SPATS2L: variants seen among roughly 807,000 people sequenced by gnomAD.
SPATS2L encodes the protein SPATS2-like protein.
SPATS2L carries 30 observed loss-of-function variants against 59.6 expected under a neutral mutation model. The observed-to-expected ratio is 0.50, with a 90% CI of 0.38 to 0.68. SPATS2L has a LOEUF of 0.68. Among genes scored for constraint, SPATS2L ranks in the 30% least tolerant of loss-of-function variants. The pLI is 0.00. For synonymous variants in SPATS2L, 252 were observed against 263.5 expected (o/e 0.96, Z 0.42); for missense variants, 615 against 700.0 (o/e 0.88, Z 1.37).
At chr2:200,456,309 G>C (rs528112165) in intron 8 of SPATS2L, among the ~76,000 whole-genome samples, 168 of 152,186 alleles carry the variant, frequency 1.1e-3, no homozygotes, top group Non-Finnish European at 1.9e-3. Context: ...GAATTACTAC[G>C]ATGCTTGCAG....
At chr2:200,344,831 C>CT (rs1395942013) in intron 2 of SPATS2L, among the ~76,000 whole-genome samples, 7 of 152,220 alleles carry the variant, frequency 4.6e-5, no homozygotes, top group East Asian at 1.9e-4. Context: ...TGATATTGAG[C>CT]TTTTTTTCAT....
chr2:200,458,116 T>C (rs2085979333), intron 8 of SPATS2L, among the ~76,000 whole-genome samples: 1 of 152,168 alleles, frequency 6.6e-6, no homozygotes, highest in South Asian at 2.1e-4. Flanking sequence ...AAGGGGAGAA[T>C]CAAGCATTCA....
At chr2:200,422,923 C>T (rs555358184) in intron 6 of SPATS2L, among the ~76,000 whole-genome samples, 2 of 152,094 alleles carry the variant, frequency 1.3e-5, no homozygotes, top group Non-Finnish European at 2.9e-5. Context: ...TATAAACATC[C>T]TTACTGTGAT....
At position 200,477,694 on chromosome 2, in the gene SPATS2L, A is replaced by G; in HGVS notation, c.1340A>G (p.Asn447Ser). 1.3e-6 allele frequency: 2 copies of G among 1,566,432 alleles called. No homozygotes were observed. The highest frequency in any genetic ancestry group is 1.7e-6 in the Non-Finnish European group (2 of 1,155,050). The change falls in exon 13 of 13, where the codon AAT becomes AGT. Residue 447 changes from asparagine (N) to serine (S), a missense_variant. By Grantham distance (46) the Asn-to-Ser change is conservative (BLOSUM62 1). Around this residue, in one of 3 missense-constraint regions of SPATS2L, gnomAD observed 284 missense variants for 280.1 expected, o/e 1.01. Transcript: ENST00000409140. The part of the protein sequence containing the change: ...FNPQYHNNRL[N>S]GPAKSQGSGN... ...CCACAGTATCATAACAACAGGCTAA[A>G]TGGGCCTGCCAAGTCGCAGGGCAGT... is the stretch of plus-strand genomic sequence containing the variant.
intron 2 of SPATS2L, among the ~76,000 whole-genome samples, chr2:200,376,469 G>A (rs185318437): frequency 2.0e-5 from 3 of 152,194 alleles, no homozygotes; most frequent in Non-Finnish European, 4.4e-5. Context: ...CTGAAATCAT[G>A]TATGGAAAGA....
chr2:200,452,052 C>A (rs1574618091), intron 8 of SPATS2L, among the ~76,000 whole-genome samples: 1 of 152,128 alleles, frequency 6.6e-6, no homozygotes, highest in South Asian at 2.1e-4. Flanking sequence ...CCTGCCTCGC[C>A]CTCCCAAAGT....
intron 6 of SPATS2L, among the ~76,000 whole-genome samples, chr2:200,433,182 C>T (rs1363479602): frequency 6.6e-6 from 1 of 152,138 alleles, no homozygotes; most frequent in Non-Finnish European, 1.5e-5. Context: ...ATCCATGAAG[C>T]AGCAATATAT....
At chr2:200,365,175 C>A (rs1051725858) in intron 2 of SPATS2L, among the ~76,000 whole-genome samples, 7 of 152,160 alleles carry the variant, frequency 4.6e-5, no homozygotes, top group Non-Finnish European at 1.0e-4. Flanking sequence ...TTCCTACTAC[C>A]CAAGTGCTAA....
intron 2 of SPATS2L, among the ~76,000 whole-genome samples, chr2:200,332,104 C>T (rs556488721): frequency 6.6e-6 from 1 of 152,000 alleles, no homozygotes; most frequent in South Asian, 2.1e-4. Context: ...ACAATATTAG[C>T]CCTCATTAAG....
chr2:200,434,271 A>G (rs2084132229), intron 6 of SPATS2L, among the ~76,000 whole-genome samples: 2 of 152,062 alleles, frequency 1.3e-5, no homozygotes, highest in Admixed American at 1.3e-4. Flanking sequence ...GAGAATTTTT[A>G]GAGTCTAATA....
intron 2 of SPATS2L, among the ~76,000 whole-genome samples, chr2:200,347,288 C>A (rs2080545948): frequency 6.6e-6 from 1 of 152,080 alleles, no homozygotes; most frequent in African/African-American, 2.4e-5. Flanking sequence ...TTCCTAGCCT[C>A]CTTTGCAGTG....
At position 200,478,561 on chromosome 2, in the gene SPATS2L, C is replaced by T. The variant is rs1203446097; in HGVS notation, c.*530C>T. On this transcript the variant is annotated 3_prime_UTR_variant, in exon 13 of 13. Coordinates refer to ENST00000409140, the MANE Select transcript of SPATS2L (RefSeq NM_001100423.2). ...GGCTAGTTTCTTTTATTGATACCCA[C>T]CTAGTTATTGAATGTACTGTTTAGT... is the stretch of plus-strand genomic sequence containing the variant. 1 of 152,588 alleles carries T rather than the reference C, an allele frequency of 6.6e-6. No individual in the cohort carries two copies. Among genetic ancestry groups the T allele is most frequent in the Non-Finnish European group, 1.5e-5 (1 of 68,064 alleles). 9.5% of individuals were successfully genotyped at this position (152,588 alleles called of 1,614,324 possible).
intron 2 of SPATS2L, 64 bp from the exon 3 acceptor site, chr2:200,389,159 G>C (rs1452865387): frequency 1.0e-6 from 1 of 981,452 alleles, no homozygotes; most frequent in Non-Finnish European, 1.6e-6. Context: ...TGTTGGAAGA[G>C]AGTGTAAAAA....
At chr2:200,409,373 TTA>T (rs2082797319) in intron 3 of SPATS2L, among the ~76,000 whole-genome samples, 1 of 152,226 alleles carries the variant, frequency 6.6e-6, no homozygotes, top group African/African-American at 2.4e-5. Flanking sequence ...GCTTTTTTTT[TTA>T]GATTAAGATG....
chr2:200,364,106 G>A (rs933716752), intron 2 of SPATS2L, among the ~76,000 whole-genome samples: 1 of 152,150 alleles, frequency 6.6e-6, no homozygotes, highest in Non-Finnish European at 1.5e-5. Context: ...GGGGGAAGGA[G>A]ACATAAGCTA....
chr2:200,347,804 C>T (rs554773298), intron 2 of SPATS2L, among the ~76,000 whole-genome samples: 158 of 152,254 alleles, frequency 1.0e-3, no homozygotes, highest in African/African-American at 3.7e-3. Context: ...TGCAAAGTTA[C>T]GTGAACAACA....
intron 3 of SPATS2L, chr2:200,393,414 A>G: frequency 4.6e-6 from 2 of 437,010 alleles, no homozygotes; most frequent in South Asian, 1.6e-5. Context: ...TAAGAGCCAC[A>G]GTCATCCCAC....
chr2:200,362,332 A>G (rs2081134428), intron 2 of SPATS2L, among the ~76,000 whole-genome samples: 1 of 152,206 alleles, frequency 6.6e-6, no homozygotes, highest in South Asian at 2.1e-4. Context: ...GCTGAGATAA[A>G]GACAACACTG....
chr2:200,418,584 TAAA>T (rs2083168772), intron 5 of SPATS2L, among the ~76,000 whole-genome samples: 2 of 57,652 alleles, frequency 3.5e-5, no homozygotes, highest in African/African-American at 9.5e-5. Context: ...TATTAAATAA[TAAA>T]TAAATAAATA....
Sources: allele counts gnomAD v4.1 joint callset (sites outside exome capture counted in the v4.1 genomes callset), GRCh38; gene constraint gnomAD v4.1.1; regional missense constraint gnomAD v4.1.1; transcripts MANE v1.5; gene names NCBI Gene and HGNC (gene_info 2026-07-23, HGNC 2026-07-21).